DLC1: variants seen among roughly 807,000 people sequenced by gnomAD.
DLC1 encodes DLC1 Rho GTPase activating protein.
DLC1 carries 54 observed loss-of-function variants against 140.3 expected under a neutral mutation model. The observed-to-expected ratio is 0.38, with a 90% CI of 0.31 to 0.48. The LOEUF is 0.48. Ranked by LOEUF, DLC1 falls within the 20% of genes least tolerant of loss-of-function variation. The pLI, the probability that DLC1 is intolerant of heterozygous loss-of-function variation, is 0.96. For synonymous variants in DLC1, 986 were observed against 728.1 expected (o/e 1.35, Z -5.70); for missense variants, 2,536 against 1,907.0 (o/e 1.33, Z -6.14).
intron 4 of DLC1, among the ~76,000 whole-genome samples, chr8:13,306,591 A>T (rs865829224): frequency 0.046 from 6,996 of 151,368 alleles, 201 homozygotes; most frequent in South Asian, 0.11. Context: ...TGTGAGAGAG[A>T]GAGAGAGAGA....
At chr8:13,489,188 C>A (rs1371921436) in intron 2 of DLC1, among the ~76,000 whole-genome samples, 1 of 152,046 alleles carries the variant, frequency 6.6e-6, no homozygotes, top group Non-Finnish European at 1.5e-5. Context: ...ATCAGGTGAT[C>A]TGCCTGCTTT....
chr8:13,357,726 C>G (rs986971411), intron 4 of DLC1, among the ~76,000 whole-genome samples: 2 of 152,190 alleles, frequency 1.3e-5, no homozygotes, highest in African/African-American at 4.8e-5. Context: ...TTGAGAATTA[C>G]AGTAGTTGAG....
At chr8:13,312,360 C>CAAAAAATA in intron 4 of DLC1, among the ~76,000 whole-genome samples, 1 of 6,642 alleles carries the variant, frequency 1.5e-4, no homozygotes, top group East Asian at 5.1e-3. Context: ...GACTCCGTCT[C>CAAAAAATA]AAAAAAAAAA....
intron 1 of DLC1, among the ~76,000 whole-genome samples, chr8:13,524,552 A>G (rs11988797): frequency 0.1 from 15,637 of 152,182 alleles, 1,241 homozygotes; most frequent in South Asian, 0.2. Context: ...TTTGGCACAT[A>G]GTCATCTGCA....
In DLC1 at chr8:13,449,842, T is replaced by C. The variant is rs202009218; in HGVS notation, c.1024-48223A>G. ...AATAAAAAAAATCCTGTGTTTCCATTTTGCATCTTGGTGGCAGGCTGTGAT... is the reference window on the plus strand; with the variant it reads ...AATAAAAAAAATCCTGTGTTTCCATCTTGCATCTTGGTGGCAGGCTGTGAT... On this transcript the variant is annotated intron_variant, in intron 2 of 17. Transcript: ENST00000276297. Among the ~76,000 whole-genome samples, 11 of 152,170 alleles carry C rather than the reference T, an allele frequency of 7.2e-5. No individual in the cohort carries two copies. The East Asian group carries it at 1.9e-3, about 27-fold the overall frequency.
intron 5 of DLC1, among the ~76,000 whole-genome samples, chr8:13,124,942 T>C (rs1360844810): frequency 3.9e-5 from 6 of 152,160 alleles, no homozygotes; most frequent in Admixed American, 3.9e-4. Flanking sequence ...TAATTACTTT[T>C]ATTTTAAAAG....
chr8:13,574,250 T>C (rs1288850603), intron 1 of DLC1, among the ~76,000 whole-genome samples: 2 of 152,230 alleles, frequency 1.3e-5, no homozygotes, highest in Non-Finnish European at 2.9e-5. Context: ...GTATGCATTT[T>C]TCACTTTAAA....
chr8:13,448,628 G>T (rs1256930052), intron 2 of DLC1, among the ~76,000 whole-genome samples: 1 of 152,006 alleles, frequency 6.6e-6, no homozygotes, highest in Non-Finnish European at 1.5e-5. Flanking sequence ...CAAAGTGCTG[G>T]GATTACAGGC....
intron 5 of DLC1, among the ~76,000 whole-genome samples, chr8:13,194,110 C>A (rs1585884221): frequency 6.6e-6 from 1 of 152,180 alleles, no homozygotes; most frequent in Non-Finnish European, 1.5e-5. Context: ...ATTCGCTACC[C>A]ACAGAGAAAT....
chr8:13,155,261 A>G (rs1824167105), intron 5 of DLC1, among the ~76,000 whole-genome samples: 1 of 151,700 alleles, frequency 6.6e-6, no homozygotes, highest in South Asian at 2.1e-4. Context: ...GTTGATGGTC[A>G]TTTATAATGT....
In DLC1 at chr8:13,574,575, G is replaced by C. The variant is rs185606467; in HGVS notation, c.-126+29962C>G. The stretch of plus-strand genomic sequence containing the variant: ...CACTAAAAATGTGTCTAGCCACTTA[G>C]TACATAATTATACAAATGTATAATT... On this transcript the variant is annotated intron_variant, in intron 1 of 1. Coordinates refer to the DLC1 transcript ENST00000631382. Among the ~76,000 whole-genome samples the C allele has an allele frequency of 3.3e-5, 5 of 151,942 alleles. No individual in the cohort carries two copies. The South Asian group carries it at 6.2e-4, about 19-fold the overall frequency.
In DLC1 at chr8:13,568,146, C is replaced by T. The variant is rs570614922; in HGVS notation, c.-126+36391G>A. The T allele has an allele frequency of 1.1e-4, 68 of 618,376 alleles. 2 individuals are homozygous for T. Among genetic ancestry groups the T allele is most frequent in the African/African-American group, 1.0e-3 (56 of 53,358 alleles). 38.3% of individuals were successfully genotyped at this position (618,376 alleles called of 1,614,324 possible). On this transcript the variant is annotated intron_variant, in intron 1 of 1. Coordinates refer to the DLC1 transcript ENST00000631382. ...AAACTTTTACAAAATTCCAAGAGAACTATGTTGGTAGTTTGGGCCAGGATG... is the reference window on the plus strand; with the variant it reads ...AAACTTTTACAAAATTCCAAGAGAATTATGTTGGTAGTTTGGGCCAGGATG...
chr8:13,303,675 G>A (rs985615144), intron 5 of DLC1, among the ~76,000 whole-genome samples: 21 of 152,146 alleles, frequency 1.4e-4, no homozygotes, highest in Non-Finnish European at 2.5e-4. Flanking sequence ...GGTGGCGCAG[G>A]CATGTAATCC....
At chr8:13,160,024 G>A (rs1824562561) in intron 5 of DLC1, among the ~76,000 whole-genome samples, 1 of 152,130 alleles carries the variant, frequency 6.6e-6, no homozygotes, top group Non-Finnish European at 1.5e-5. Flanking sequence ...CGGGTGTCCT[G>A]GCACACGCCT....
intron 5 of DLC1, among the ~76,000 whole-genome samples, chr8:13,282,922 A>G (rs971768819): frequency 2.0e-5 from 3 of 152,208 alleles, no homozygotes; most frequent in Non-Finnish European, 2.9e-5. Context: ...ATATTGTTTT[A>G]TGTTCATATA....
chr8:13,419,419 C>A (rs1475168943), intron 2 of DLC1, among the ~76,000 whole-genome samples: 1 of 152,132 alleles, frequency 6.6e-6, no homozygotes. Context: ...GAGTTTTTAG[C>A]ATGAAGGTTG....
chr8:13,419,788 G>A (rs1838230972), intron 2 of DLC1, among the ~76,000 whole-genome samples: 2 of 152,126 alleles, frequency 1.3e-5, no homozygotes, highest in African/African-American at 4.8e-5. Flanking sequence ...AGAAGGAATG[G>A]TACCAGTTCC....
intron 5 of DLC1, among the ~76,000 whole-genome samples, chr8:13,194,402 T>G (rs1054272661): frequency 2.0e-5 from 3 of 152,236 alleles, no homozygotes; most frequent in Non-Finnish European, 4.4e-5. Context: ...CTTGGAATAT[T>G]ATATGAAAAT....
Position 13,208,159 on chromosome 8 carries a change from T to A in DLC1, c.1349-92502A>T, listed in dbSNP as rs191304633. On this transcript the variant is annotated intron_variant, in intron 5 of 17. Transcript: ENST00000276297. ...TATATCTTTAAGGCTGGCTTCTGTT[T>A]TTGTTGTTGGTGTTATTGTTTTTAG... 1.7e-4 allele frequency among the ~76,000 whole-genome samples: 26 copies of A among 152,278 alleles called. No individual in the cohort carries two copies. The East Asian group carries it at 4.8e-3, about 28-fold the overall frequency.
Sources: gnomAD v4.1 joint callset for allele counts (sites outside exome capture counted in the v4.1 genomes callset) on GRCh38, gnomAD v4.1.1 for gene constraint, MANE v1.5 for transcripts, NCBI Gene and HGNC (gene_info 2026-07-23, HGNC 2026-07-21) for gene names.